The following PRMT8 variants were observed in gnomAD, a reference collection of about 807,000 sequenced individuals.
The protein encoded by PRMT8 is protein arginine N-methyltransferase 8.
A neutral mutation model predicts 47.1 loss-of-function variants in PRMT8; 7 were observed. That is an observed-to-expected ratio of 0.15 (90% CI 0.08 to 0.28). The LOEUF (loss-of-function observed/expected upper bound fraction) is 0.28, where lower values mean the gene tolerates loss of function less well. Ranked by LOEUF, PRMT8 falls within the 10% of genes least tolerant of loss-of-function variation. The pLI, the probability that PRMT8 is intolerant of heterozygous loss-of-function variation, is 1.00. For missense variants in PRMT8, 237 were observed against 505.4 expected, an observed-to-expected ratio of 0.47 and a Z score of 5.09; for synonymous variants, 188 against 186.5, an observed-to-expected ratio of 1.01 and a Z score of -0.07.
At chr12:3,545,521 G>A (rs1414376732) in intron 2 of PRMT8, among the ~76,000 whole-genome samples, 4 of 152,236 alleles carry the variant, frequency 2.6e-5, no homozygotes, top group African/African-American at 9.6e-5. Flanking sequence ...GGCAGCACAG[G>A]AAGTGATGGC....
Position 3,409,891 on chromosome 12 carries a change from T to G in PRMT8, c.48+28449T>G, listed in dbSNP as rs1203829568. On this transcript the variant is annotated intron_variant, in intron 1 of 9. Coordinates refer to the PRMT8 transcript ENST00000452611. The surrounding 1 kb of genome is among the most constrained non-coding windows in gnomAD (Gnocchi z 4.4). The stretch of plus-strand genomic sequence containing the variant: ...TTCTGGGTAGCCAAGTCACTGATTC[T>G]TGATTTTCCCAGAGATGGGGTGCCG... Among the ~76,000 whole-genome samples the G allele has an allele frequency of 6.6e-6, 1 of 152,168 alleles. No homozygotes were observed. The highest frequency in any genetic ancestry group is 1.5e-5 in the Non-Finnish European group (1 of 68,024).
At chr12:3,510,019 A>G (rs1026695203) in intron 1 of PRMT8, among the ~76,000 whole-genome samples, 2 of 152,226 alleles carry the variant, frequency 1.3e-5, no homozygotes, top group Non-Finnish European at 2.9e-5. Context: ...GAGCCCCTGA[A>G]AAACCTTGCT....
At chr12:3,388,845 C>G (rs1247904789) in intron 1 of PRMT8, among the ~76,000 whole-genome samples, 3 of 152,220 alleles carry the variant, frequency 2.0e-5, no homozygotes, top group Non-Finnish European at 2.9e-5. Flanking sequence ...TATTTCGTCT[C>G]TCAAGTCTCT....
At chr12:3,460,280 T>C (rs1456702966) in intron 1 of PRMT8, among the ~76,000 whole-genome samples, 1 of 152,122 alleles carries the variant, frequency 6.6e-6, no homozygotes, top group Non-Finnish European at 1.5e-5. Flanking sequence ...TGGGATATCA[T>C]GGGAGCAAAA....
chr12:3,397,202 T>TTC (rs775862293), intron 1 of PRMT8, among the ~76,000 whole-genome samples: 7 of 152,008 alleles, frequency 4.6e-5, no homozygotes, highest in African/African-American at 9.6e-5. Flanking sequence ...TGAAGCCTTC[T>TTC]TCTCAGCTCG....
At chr12:3,558,983 T>TATC (rs1432951476) in intron 4 of PRMT8, among the ~76,000 whole-genome samples, 1 of 152,070 alleles carries the variant, frequency 6.6e-6, no homozygotes, top group Non-Finnish European at 1.5e-5. Flanking sequence ...TCTATCTATC[T>TATC]ATCTATCTGT....
intron 1 of PRMT8, among the ~76,000 whole-genome samples, chr12:3,454,407 T>C (rs939047112): frequency 2.6e-5 from 4 of 151,936 alleles, no homozygotes; most frequent in African/African-American, 9.7e-5. Flanking sequence ...AGAGGGAGAA[T>C]ATTTAAGGTT....
rs1286103136 is a variant in PRMT8, at chr12:3,409,581, G to T, written c.48+28139G>T. ...CTTCAGCAGCTCCGAATCTGGGGTG[G>T]CTAGTCTAGTTCCAGGGAGGCAGGG... On this transcript the variant is annotated intron_variant, in intron 1 of 9. Transcript: ENST00000452611. This position sits in a 1 kb window ranked among gnomAD's most constrained non-coding sequence, Gnocchi z 4.4. 6.6e-6 allele frequency among the ~76,000 whole-genome samples: 1 copy of T among 152,002 alleles called. No homozygotes were observed. Among genetic ancestry groups the T allele is most frequent in the Non-Finnish European group, 1.5e-5 (1 of 68,000 alleles).
intron 1 of PRMT8, among the ~76,000 whole-genome samples, chr12:3,496,199 GAT>G (rs1555085720): frequency 0.014 from 423 of 31,314 alleles, 31 homozygotes; most frequent in Middle Eastern, 0.042. Context: ...TTTGGAAACT[GAT>G]ATATATATAT....
chr12:3,394,271 G>T (rs1005592756), intron 1 of PRMT8, among the ~76,000 whole-genome samples: 15 of 152,290 alleles, frequency 9.8e-5, no homozygotes, highest in Non-Finnish European at 2.2e-4. Flanking sequence ...GTGAGAGAGG[G>T]CATCCCTGTG....
At chr12:3,574,862 G>A (rs543107497) in intron 6 of PRMT8, among the ~76,000 whole-genome samples, 2 of 152,298 alleles carry the variant, frequency 1.3e-5, no homozygotes, top group South Asian at 2.1e-4. Flanking sequence ...TCAAACTCCC[G>A]GCAGAGTCCA....
rs912716699 is a variant in PRMT8, at chr12:3,421,270, T to A, written c.48+39828T>A. ...CTTTGGCAGCCTCCCAAGTCATTTT[T>A]ATCTGGTGGGACAGAAGGACACTCC... On this transcript the variant is annotated intron_variant, in intron 1 of 9. Transcript: ENST00000452611. 3.3e-5 allele frequency among the ~76,000 whole-genome samples: 5 copies of A among 152,308 alleles called. 1 individual carries two copies. The highest frequency in any genetic ancestry group is 3.3e-4 in the Admixed American group (5 of 15,302).
chr12:3,448,292 AC>A (rs1301121780), intron 1 of PRMT8, among the ~76,000 whole-genome samples: 1 of 152,214 alleles, frequency 6.6e-6, no homozygotes, highest in African/African-American at 2.4e-5. Flanking sequence ...GGCGTGAGCC[AC>A]CATGCTTGGT....
chr12:3,416,733 A>G (rs891831618), intron 1 of PRMT8, among the ~76,000 whole-genome samples: 1 of 152,184 alleles, frequency 6.6e-6, no homozygotes, highest in African/African-American at 2.4e-5. Flanking sequence ...GAGAGAGCAG[A>G]TATTAGAAGG....
intron 4 of PRMT8, among the ~76,000 whole-genome samples, chr12:3,563,062 C>A (rs1170364535): frequency 1.3e-5 from 2 of 152,170 alleles, no homozygotes; most frequent in South Asian, 4.2e-4. Flanking sequence ...GGCCATGGTG[C>A]TGGGTATCTG....
At chr12:3,544,484 C>T (rs1468511953) in intron 2 of PRMT8, among the ~76,000 whole-genome samples, 1 of 152,146 alleles carries the variant, frequency 6.6e-6, no homozygotes, top group Non-Finnish European at 1.5e-5. Flanking sequence ...AAAGACACGC[C>T]CACAGAAAGA....
At position 3,569,922 on chromosome 12, in the gene PRMT8, C is replaced by T. The variant is rs575737583; in HGVS notation, c.712+358C>T. Among the ~76,000 whole-genome samples, 2 of 152,330 alleles carry T rather than the reference C, an allele frequency of 1.3e-5. No individual in the cohort carries two copies. Among genetic ancestry groups the T allele is most frequent in the South Asian group, 4.1e-4 (2 of 4,820 alleles). ...AAGGTTCAGTTAGCCCAAAAGTCCA[C>T]CGCAGGGGTCTGAAGTAGCAGGTCT... On this transcript the variant is annotated intron_variant, in intron 6 of 9. Transcript: ENST00000382622. This position sits in a 1 kb window ranked among gnomAD's most constrained non-coding sequence, Gnocchi z 8.2.
At chr12:3,407,240 G>C (rs955608395) in intron 1 of PRMT8, among the ~76,000 whole-genome samples, 1 of 152,036 alleles carries the variant, frequency 6.6e-6, no homozygotes, top group Non-Finnish European at 1.5e-5. Context: ...CCTCCCACTG[G>C]GTCCCTCCCA....
At chr12:3,463,911 A>C (rs1865064208) in intron 1 of PRMT8, among the ~76,000 whole-genome samples, 1 of 152,206 alleles carries the variant, frequency 6.6e-6, no homozygotes, top group Non-Finnish European at 1.5e-5. Context: ...AGCAGAGGAT[A>C]ATGCTTCCGT....
Sources: allele counts gnomAD v4.1 joint callset (sites outside exome capture counted in the v4.1 genomes callset), GRCh38; gene constraint gnomAD v4.1.1; non-coding constraint Gnocchi (gnomAD v3.1); transcripts MANE v1.5; gene names NCBI Gene and HGNC (gene_info 2026-07-23, HGNC 2026-07-21).